The following SCIMP variants were observed in gnomAD, a reference collection of about 807,000 sequenced individuals.
SCIMP encodes the protein SLP adaptor and CSK interacting membrane protein.
A neutral mutation model predicts 22.0 loss-of-function variants in SCIMP; 18 were observed. The observed-to-expected ratio is 0.82, with a 90% CI of 0.56 to 1.21. SCIMP has a LOEUF of 1.21. Ranked by LOEUF, SCIMP falls within the 50% of genes most tolerant of loss-of-function variation. The pLI, the probability that SCIMP is intolerant of heterozygous loss-of-function variation, is 0.00. For missense variants in SCIMP, 155 were observed against 171.2 expected (o/e 0.91, Z 0.53); for synonymous variants, 53 against 62.2 (o/e 0.85, Z 0.70).
Position 5,210,776 on chromosome 17 carries a change from T to G in SCIMP, c.*25A>C. ...TAAGTTGTGTGAACCCTCTTCAGTT[T>G]TGCCAAAAAGAAGAAATGGCTGTTT... On this transcript the variant is annotated 3_prime_UTR_variant, in exon 5 of 5. Coordinates refer to ENST00000574081, the MANE Select transcript of SCIMP (RefSeq NM_207103.3). The G allele has an allele frequency of 6.2e-7, 1 of 1,601,612 alleles. No homozygotes were observed. The highest frequency in any genetic ancestry group is 8.5e-7 in the Non-Finnish European group (1 of 1,176,226).
intron 3 of SCIMP, among the ~76,000 whole-genome samples, chr17:5,219,645 G>C (rs140627545): frequency 5.5e-4 from 83 of 152,176 alleles, no homozygotes; most frequent in African/African-American, 1.9e-3. Flanking sequence ...AATAAATAAA[G>C]AGTGTCTTTG....
intron 1 of SCIMP, among the ~76,000 whole-genome samples, chr17:5,229,723 C>A (rs1242851353): frequency 1.3e-5 from 2 of 151,676 alleles, no homozygotes; most frequent in Non-Finnish European, 2.9e-5. Flanking sequence ...AGAAGATCTT[C>A]AGTAAGAAAT....
chr17:5,229,369 T>C (rs969503263), intron 1 of SCIMP, among the ~76,000 whole-genome samples: 1 of 149,470 alleles, frequency 6.7e-6, no homozygotes, highest in Non-Finnish European at 1.5e-5. Context: ...TTTCTGAGAC[T>C]GTGGGTTTAT....
intron 1 of SCIMP, among the ~76,000 whole-genome samples, chr17:5,230,771 A>C (rs2074687700): frequency 6.6e-6 from 1 of 152,002 alleles, no homozygotes; most frequent in African/African-American, 2.4e-5. Context: ...AAATAAAAAC[A>C]AAACAAAACA....
chr17:5,220,243 G>T (rs934094942), intron 3 of SCIMP, among the ~76,000 whole-genome samples: 2 of 152,018 alleles, frequency 1.3e-5, no homozygotes, highest in Non-Finnish European at 2.9e-5. Context: ...TAGACTGGGC[G>T]CTGGGCCCAG....
intron 3 of SCIMP, 179 bp downstream of exon 3, chr17:5,221,108 C>A: frequency 1.4e-6 from 1 of 697,598 alleles, no homozygotes; most frequent in Non-Finnish European, 2.6e-6. Context: ...ACTTGCCCTG[C>A]ATCGACAATG....
At chr17:5,218,677 G>A (rs1368880154) in intron 3 of SCIMP, among the ~76,000 whole-genome samples, 2 of 152,142 alleles carry the variant, frequency 1.3e-5, no homozygotes, top group African/African-American at 2.4e-5. Flanking sequence ...TTAGTCACCT[G>A]ACTGCCTGAC....
At chr17:5,220,910 T>G (rs756507396) in intron 3 of SCIMP, 1 of 342,624 alleles carries the variant, frequency 2.9e-6, no homozygotes, top group Admixed American at 4.1e-5. Flanking sequence ...ATACAAAAAT[T>G]AGGCAGGCAT....
At position 5,215,041 on chromosome 17, in the gene SCIMP, C is replaced by T. The variant is rs1389033595; in HGVS notation, c.210-43G>A. On this transcript the variant is annotated intron_variant, in intron 3 of 4. Transcript: ENST00000574081. ...GAGAGAATCAGTGTTTGGTTTGGGCCATGCCTGCTCCCAGCCGATTTAAGA... is the reference window on the plus strand; with the variant it reads ...GAGAGAATCAGTGTTTGGTTTGGGCTATGCCTGCTCCCAGCCGATTTAAGA... 2.4e-6 allele frequency: 3 copies of T among 1,236,240 alleles called. No homozygotes were observed. In the African/African-American group the frequency reaches 4.5e-5, roughly 18 times the overall value. 76.6% of individuals were successfully genotyped at this position (1,236,240 alleles called of 1,614,324 possible).
intron 3 of SCIMP, 99 bp from the exon 4 acceptor site, chr17:5,215,097 C>A: frequency 1.3e-6 from 1 of 773,214 alleles, no homozygotes; most frequent in Non-Finnish European, 2.3e-6. Flanking sequence ...ATGGGTTGAA[C>A]ATTCAAATCT....
In SCIMP at chr17:5,210,684, A is replaced by G; in HGVS notation, c.*117T>C. The G allele has an allele frequency of 7.3e-7, 1 of 1,377,480 alleles. No individual in the cohort carries two copies. The highest frequency in any genetic ancestry group is 2.3e-5 in the East Asian group (1 of 42,906). 85.3% of individuals were successfully genotyped at this position (1,377,480 alleles called of 1,614,324 possible). On this transcript the variant is annotated 3_prime_UTR_variant, in exon 5 of 5. Coordinates refer to ENST00000574081, the MANE Select transcript of SCIMP (RefSeq NM_207103.3). ...AGTGCTTTATCTTATAGAGCTTCATAAAATCACCACTGGCTTTCAGGGCCC... is the reference window on the plus strand; with the variant it reads ...AGTGCTTTATCTTATAGAGCTTCATGAAATCACCACTGGCTTTCAGGGCCC...
chr17:5,216,087 C>T (rs1388752637), intron 3 of SCIMP, among the ~76,000 whole-genome samples: 5 of 152,050 alleles, frequency 3.3e-5, no homozygotes, highest in Admixed American at 3.3e-4. Flanking sequence ...CCTGTAGTCC[C>T]AGCTACTCAG....
At chr17:5,234,219 C>T (rs926287149) in intron 1 of SCIMP, among the ~76,000 whole-genome samples, 23 of 151,922 alleles carry the variant, frequency 1.5e-4, no homozygotes, top group African/African-American at 4.1e-4. Context: ...TGCAGTGAGC[C>T]GAGATCACGT....
chr17:5,222,256 A>AT (rs1466798841), intron 2 of SCIMP, among the ~76,000 whole-genome samples: 1 of 150,150 alleles, frequency 6.7e-6, no homozygotes, highest in Non-Finnish European at 1.5e-5. Context: ...CGCCCGGCTA[A>AT]TTTTTTTTGT....
intron 1 of SCIMP, among the ~76,000 whole-genome samples, chr17:5,228,524 A>T (rs1477916864): frequency 6.6e-6 from 1 of 151,934 alleles, no homozygotes; most frequent in African/African-American, 2.4e-5. Context: ...GCATGCCTAT[A>T]GTCCCAGCTA....
intron 3 of SCIMP, 134 bp downstream of exon 3, chr17:5,221,153 C>T: frequency 2.7e-6 from 2 of 744,504 alleles, no homozygotes. Context: ...AGAGATTTGG[C>T]AGGTGTGAAG....
intron 1 of SCIMP, among the ~76,000 whole-genome samples, chr17:5,230,721 G>C (rs1219301505): frequency 6.6e-6 from 1 of 151,972 alleles, no homozygotes; most frequent in East Asian, 1.9e-4. Context: ...AGGAGTTCAA[G>C]ACCAGCCTAG....
At chr17:5,217,378 G>T (rs2074572527) in intron 3 of SCIMP, among the ~76,000 whole-genome samples, 1 of 110,280 alleles carries the variant, frequency 9.1e-6, no homozygotes, top group African/African-American at 3.9e-5. Context: ...TTTTTTGTTT[G>T]CTTGTGTGTG....
chr17:5,230,584 C>G (rs1465684634), intron 1 of SCIMP, among the ~76,000 whole-genome samples: 1 of 152,132 alleles, frequency 6.6e-6, no homozygotes, highest in Non-Finnish European at 1.5e-5. Flanking sequence ...AGAACTTAAC[C>G]TACCTTACTT....
Sources: gnomAD v4.1 joint callset for allele counts (sites outside exome capture counted in the v4.1 genomes callset) on GRCh38, gnomAD v4.1.1 for gene constraint, MANE v1.5 for transcripts, NCBI Gene and HGNC (gene_info 2026-07-23, HGNC 2026-07-21) for gene names.